RASEF: variants seen among roughly 807,000 people sequenced by gnomAD.
The protein encoded by RASEF is ras and EF-hand domain-containing protein.
In RASEF, 68 loss-of-function variants were observed where a neutral mutation model predicts 90.1. The ratio of observed to expected loss-of-function variants is 0.75; its 90% CI spans 0.62 to 0.92. The LOEUF (loss-of-function observed/expected upper bound fraction) is 0.92. Ranked by LOEUF, RASEF falls within the 40% of genes least tolerant of loss-of-function variation. The pLI is 0.00. For synonymous variants in RASEF, 331 were observed against 345.2 expected (o/e 0.96, Z 0.46); for missense variants, 949 against 937.2 (o/e 1.01, Z -0.16).
At chr9:83,180,473 G>A in the RASEF span, among the ~76,000 whole-genome samples, 44 of 143,140 alleles carry the variant, frequency 3.1e-4, no homozygotes, top group African/African-American at 4.7e-4. Context: ...CTAGAAATGC[G>A]TAAACATTAC....
At chr9:83,104,670 G>T in the RASEF span, among the ~76,000 whole-genome samples, 2 of 152,046 alleles carry the variant, frequency 1.3e-5, no homozygotes, top group Non-Finnish European at 2.9e-5. Flanking sequence ...AAAAATCTTT[G>T]CCTCATCTGA....
intron 1 of RASEF, among the ~76,000 whole-genome samples, chr9:83,056,992 T>A (rs1830113794): frequency 6.6e-6 from 1 of 152,138 alleles, no homozygotes; most frequent in Admixed American, 6.5e-5. Flanking sequence ...AATTACTACC[T>A]TGAGATTAAA....
chr9:83,121,640 C>A, the RASEF span, among the ~76,000 whole-genome samples: 2 of 152,158 alleles, frequency 1.3e-5, no homozygotes, highest in Admixed American at 1.3e-4. Flanking sequence ...TCCCCTGGCC[C>A]TTTACTGATA....
rs1301630477 is a variant in RASEF, at chr9:82,980,640, G to T, written c.*2037C>A. The T allele has an allele frequency of 6.6e-6, 1 of 152,138 alleles. No homozygotes were observed. Among genetic ancestry groups the T allele is most frequent in the African/African-American group, 2.4e-5 (1 of 41,414 alleles). The allele number at this position is 152,138 out of a possible 1,614,324, so 9.4% of individuals were successfully genotyped here. On this transcript the variant is annotated 3_prime_UTR_variant, in exon 17 of 17. Coordinates refer to ENST00000376447, the MANE Select transcript of RASEF (RefSeq NM_152573.4). ...AACATATAAACTAACACAGTTTTGT[G>T]CAACTGCACCAAAACCTAAACATGT...
the RASEF span, among the ~76,000 whole-genome samples, chr9:83,185,228 T>C: frequency 0.01 from 1,569 of 152,158 alleles, 28 homozygotes; most frequent in African/African-American, 0.035. Context: ...AAAGCAAGAA[T>C]AGGAAAACTT....
At chr9:83,210,130 A>G in the RASEF span, among the ~76,000 whole-genome samples, 1 of 152,202 alleles carries the variant, frequency 6.6e-6, no homozygotes, top group Non-Finnish European at 1.5e-5. Flanking sequence ...CTTAGAAGGC[A>G]AAGGAGTGAT....
the RASEF span, among the ~76,000 whole-genome samples, chr9:83,149,770 C>T: frequency 6.6e-6 from 1 of 152,168 alleles, no homozygotes; most frequent in Non-Finnish European, 1.5e-5. Flanking sequence ...TTTTTAACAC[C>T]CCCTCTTCTA....
chr9:83,032,352 A>G (rs1318309983), intron 1 of RASEF, among the ~76,000 whole-genome samples: 1 of 152,224 alleles, frequency 6.6e-6, no homozygotes, highest in Non-Finnish European at 1.5e-5. Context: ...TCAAGGACCC[A>G]GGGCCTCATC....
At chr9:83,169,051 AT>A in the RASEF span, among the ~76,000 whole-genome samples, 26,220 of 148,146 alleles carry the variant, frequency 0.18, 2,429 homozygotes, top group Non-Finnish European at 0.21. Flanking sequence ...CCAAGAGATC[AT>A]TTTTTTTTTA....
At chr9:83,032,275 A>G (rs915535892) in intron 1 of RASEF, among the ~76,000 whole-genome samples, 1 of 152,178 alleles carries the variant, frequency 6.6e-6, no homozygotes, top group Non-Finnish European at 1.5e-5. Context: ...GGCCTGACCC[A>G]GTTGGCACAA....
intron 1 of RASEF, among the ~76,000 whole-genome samples, chr9:83,027,283 T>G (rs1829565162): frequency 6.6e-6 from 1 of 152,162 alleles, no homozygotes; most frequent in African/African-American, 2.4e-5. Flanking sequence ...ATTACATCAC[T>G]GGCCAATGGT....
At chr9:83,201,933 C>T in the RASEF span, 1 of 152,702 alleles carries the variant, frequency 6.5e-6, no homozygotes, top group Non-Finnish European at 1.5e-5. Flanking sequence ...GATGAAAATG[C>T]TAACATAACA....
chr9:83,109,746 G>C, the RASEF span, among the ~76,000 whole-genome samples: 1 of 152,094 alleles, frequency 6.6e-6, no homozygotes, highest in Non-Finnish European at 1.5e-5. Context: ...ATCAAAAATT[G>C]TCATTTTTAC....
At chr9:82,991,374 C>T (rs1455846366) in intron 15 of RASEF, among the ~76,000 whole-genome samples, 1 of 152,222 alleles carries the variant, frequency 6.6e-6, no homozygotes, top group African/African-American at 2.4e-5. Flanking sequence ...CTGCGATCCT[C>T]ATGCACAGCA....
chr9:83,055,574 C>T (rs554402516), intron 1 of RASEF: 32 of 711,176 alleles, frequency 4.5e-5, no homozygotes, highest in Non-Finnish European at 7.0e-5. Flanking sequence ...CCTCCCTCCT[C>T]GATTGTCCAA....
At chr9:83,021,958 C>G (rs1447818629) in intron 3 of RASEF, among the ~76,000 whole-genome samples, 1 of 151,998 alleles carries the variant, frequency 6.6e-6, no homozygotes, top group Non-Finnish European at 1.5e-5. Flanking sequence ...TGGGCAGACA[C>G]AGGTATGGAA....
intron 9 of RASEF, among the ~76,000 whole-genome samples, chr9:83,002,484 C>T (rs947950608): frequency 3.5e-4 from 52 of 150,610 alleles, no homozygotes; most frequent in African/African-American, 1.2e-3. Flanking sequence ...ATAACAATAA[C>T]AATAAAATAT....
At chr9:83,130,997 C>A in the RASEF span, among the ~76,000 whole-genome samples, 1 of 152,198 alleles carries the variant, frequency 6.6e-6, no homozygotes, top group Non-Finnish European at 1.5e-5. Flanking sequence ...GGTTTTAGCT[C>A]TAACACTAGC....
At chr9:83,131,947 T>C in the RASEF span, among the ~76,000 whole-genome samples, 1 of 152,128 alleles carries the variant, frequency 6.6e-6, no homozygotes, top group Admixed American at 6.5e-5. Context: ...ATTCCCAAAG[T>C]ATGTTTCATA....
Sources: allele counts gnomAD v4.1 joint callset (sites outside exome capture counted in the v4.1 genomes callset), GRCh38; gene constraint gnomAD v4.1.1; transcripts MANE v1.5; gene names NCBI Gene and HGNC (gene_info 2026-07-23, HGNC 2026-07-21).